The following BLTP3A variants were observed in gnomAD, a reference collection of about 807,000 sequenced individuals.
The protein encoded by BLTP3A is ICBP90 binding protein 1.
chr6:34,806,218 T>C, the BLTP3A span, among the ~76,000 whole-genome samples: 2 of 152,254 alleles, frequency 1.3e-5, no homozygotes, highest in Non-Finnish European at 2.9e-5. Flanking sequence ...TCCTAGACTT[T>C]ATGTTTGACG....
chr6:34,831,822 T>C, the BLTP3A span, among the ~76,000 whole-genome samples: 5 of 152,208 alleles, frequency 3.3e-5, no homozygotes, highest in Non-Finnish European at 7.3e-5. Context: ...GAGGATCATT[T>C]TCTTTTCTTT....
chr6:34,839,271 G>T, the BLTP3A span, among the ~76,000 whole-genome samples: 1 of 152,136 alleles, frequency 6.6e-6, no homozygotes, highest in South Asian at 2.1e-4. Context: ...TTAAAATACG[G>T]GAATAATTCT....
the BLTP3A span, chr6:34,871,532 A>G: frequency 1.9e-6 from 3 of 1,556,226 alleles, no homozygotes; most frequent in African/African-American, 4.1e-5. Flanking sequence ...GGGTTGTGTT[A>G]AATTGCTCTG....
At chr6:34,831,535 G>A in the BLTP3A span, among the ~76,000 whole-genome samples, 1 of 151,984 alleles carries the variant, frequency 6.6e-6, no homozygotes, top group Non-Finnish European at 1.5e-5. Context: ...TCTTGTTTAA[G>A]TTCCTTTTCT....
the BLTP3A span, among the ~76,000 whole-genome samples, chr6:34,816,814 A>G: frequency 6.6e-6 from 1 of 152,146 alleles, no homozygotes. Flanking sequence ...AGGAGGAGAC[A>G]TGTAGTTGCA....
chr6:34,820,831 T>C, the BLTP3A span, among the ~76,000 whole-genome samples: 1 of 138,328 alleles, frequency 7.2e-6, no homozygotes, highest in Non-Finnish European at 1.6e-5. Flanking sequence ...TTTTTTTTTT[T>C]TTTAGAGATA....
At chr6:34,792,126 T>TGGCGGCGTCGGCGGCGGCGGC in the BLTP3A span, 1 of 709,718 alleles carries the variant, frequency 1.4e-6, no homozygotes, top group Non-Finnish European at 2.0e-6. Context: ...GAAAGCGCCA[T>TGGCGGCGTCGGCGGCGGCGGC]GGCGGCGGCG....
At chr6:34,846,259 C>G in the BLTP3A span, among the ~76,000 whole-genome samples, 1 of 151,736 alleles carries the variant, frequency 6.6e-6, no homozygotes, top group Non-Finnish European at 1.5e-5. Context: ...ATTCTCCTGC[C>G]TCAGCCTCTG....
At chr6:34,857,978 A>G in the BLTP3A span, 11 of 1,584,770 alleles carry the variant, frequency 6.9e-6, no homozygotes, top group Admixed American at 1.7e-5. Flanking sequence ...TTTCCAATGG[A>G]TATAATCCAT....
At chr6:34,807,706 A>G in the BLTP3A span, among the ~76,000 whole-genome samples, 1 of 152,226 alleles carries the variant, frequency 6.6e-6, no homozygotes, top group Non-Finnish European at 1.5e-5. Context: ...GTGTAAATCC[A>G]TATCATGTCT....
chr6:34,850,608 C>T, the BLTP3A span, among the ~76,000 whole-genome samples: 555 of 152,272 alleles, frequency 3.6e-3, 2 homozygotes, highest in African/African-American at 0.013. Context: ...TTCAAGCTCA[C>T]CAATTCTTTC....
the BLTP3A span, chr6:34,792,129 C>A: frequency 1.3e-6 from 1 of 796,510 alleles, no homozygotes; most frequent in South Asian, 3.1e-5. Flanking sequence ...AGCGCCATGG[C>A]GGCGGCGGCG....
At chr6:34,869,014 A>AT in the BLTP3A span, among the ~76,000 whole-genome samples, 6 of 150,854 alleles carry the variant, frequency 4.0e-5, no homozygotes, top group Admixed American at 6.6e-5. Flanking sequence ...TTGTTTTTTA[A>AT]TTTTTTTTTG....
the BLTP3A span, among the ~76,000 whole-genome samples, chr6:34,797,049 T>C: frequency 6.6e-6 from 1 of 152,174 alleles, no homozygotes; most frequent in Non-Finnish European, 1.5e-5. Flanking sequence ...GGAAGAATAA[T>C]ACATACCTAG....
the BLTP3A span, among the ~76,000 whole-genome samples, chr6:34,810,925 C>G: frequency 1.3e-5 from 2 of 152,120 alleles, no homozygotes; most frequent in African/African-American, 2.4e-5. Context: ...AAATGATAGA[C>G]TAGTATCTAC....
chr6:34,812,183 C>G, the BLTP3A span, among the ~76,000 whole-genome samples: 1 of 151,800 alleles, frequency 6.6e-6, no homozygotes, highest in Non-Finnish European at 1.5e-5. Context: ...ACAAAATTAG[C>G]CAGGCATGGT....
chr6:34,835,299 A>G, the BLTP3A span: 5 of 1,613,894 alleles, frequency 3.1e-6, no homozygotes, highest in Middle Eastern at 1.6e-4. Flanking sequence ...CTCAGACCAA[A>G]GATTGCAATG....
the BLTP3A span, chr6:34,792,394 C>CAGCCCGG: frequency 8.2e-7 from 1 of 1,218,672 alleles, no homozygotes; most frequent in East Asian, 3.0e-5. Context: ...TGCCTCTCTC[C>CAGCCCGG]AGCCCGGAGC....
At chr6:34,863,937 A>G in the BLTP3A span, 1 of 1,448,000 alleles carries the variant, frequency 6.9e-7, no homozygotes, top group Non-Finnish European at 9.2e-7. Flanking sequence ...TGGGTATTGT[A>G]AGTGGATGGG....
Sources: allele counts gnomAD v4.1 joint callset (sites outside exome capture counted in the v4.1 genomes callset), GRCh38; gene constraint gnomAD v4.1.1; transcripts MANE v1.5; gene names NCBI Gene and HGNC (gene_info 2026-07-23, HGNC 2026-07-21).